The following CLIC5 variants were observed in gnomAD, a reference collection of about 807,000 sequenced individuals.
The protein encoded by CLIC5 is CLIC family member 5.
CLIC5 carries 20 observed loss-of-function variants against 24.7 expected under a neutral mutation model. The ratio of observed to expected loss-of-function variants is 0.81; its 90% CI spans 0.57 to 1.18. The LOEUF (loss-of-function observed/expected upper bound fraction) is 1.18, where lower values mean the gene tolerates loss of function less well. CLIC5 is among the 50% of genes most tolerant of loss of function. The pLI, the probability that CLIC5 is intolerant of heterozygous loss-of-function variation, is 0.00. For synonymous variants in CLIC5, 159 were observed against 135.6 expected (o/e 1.17, Z -1.20); for missense variants, 341 against 326.1 (o/e 1.05, Z -0.35).
chr6:46,005,017 G>A lies in CLIC5; in HGVS notation c.63+10463C>T, dbSNP rs534083191. ...GAGACGGCCCCTCGTCTTCATCCTTGGTGTTGACGGGGCCCATGCACACTG... is the reference window on the plus strand; with the variant it reads ...GAGACGGCCCCTCGTCTTCATCCTTAGTGTTGACGGGGCCCATGCACACTG... On this transcript the variant is annotated intron_variant, in intron 1 of 5. Coordinates refer to ENST00000339561, the MANE Select transcript of CLIC5 (RefSeq NM_016929.5). 2.6e-5 allele frequency among the ~76,000 whole-genome samples: 4 copies of A among 152,296 alleles called. No individual in the cohort carries two copies. The South Asian group carries it at 8.3e-4, about 32-fold the overall frequency.
At chr6:45,892,386 C>T (rs78719577) in intron 6 of CLIC5, among the ~76,000 whole-genome samples, 2 of 152,178 alleles carry the variant, frequency 1.3e-5, no homozygotes, top group Non-Finnish European at 1.5e-5. Flanking sequence ...TGGTTTTGCA[C>T]CGGGAGAGGT....
At chr6:45,947,450 A>AAAGGAAGACATAAAACTGTCACAT (rs1764325407) in intron 3 of CLIC5, among the ~76,000 whole-genome samples, 1 of 151,742 alleles carries the variant, frequency 6.6e-6, no homozygotes, top group African/African-American at 2.4e-5. Flanking sequence ...CATCACTAGC[A>AAAGGAAGACATAAAACTGTCACAT]GACTAGGATT....
chr6:45,927,835 C>G (rs889050257), intron 4 of CLIC5, among the ~76,000 whole-genome samples: 2 of 151,782 alleles, frequency 1.3e-5, no homozygotes, highest in African/African-American at 4.8e-5. Flanking sequence ...TAATAAACTT[C>G]TGCTTGTTTT....
chr6:46,090,856 GGT>G, the CLIC5 span, among the ~76,000 whole-genome samples: 1 of 152,290 alleles, frequency 6.6e-6, no homozygotes, highest in Middle Eastern at 3.4e-3. Flanking sequence ...AACCTAATGT[GGT>G]GTGTAAACAG....
intron 1 of CLIC5, among the ~76,000 whole-genome samples, chr6:45,993,569 A>T (rs1766018212): frequency 6.9e-6 from 1 of 145,756 alleles, no homozygotes; most frequent in Non-Finnish European, 1.5e-5. Flanking sequence ...CAACCACAGG[A>T]CATGGGAGAG....
At chr6:46,069,095 G>A (rs1305461522) in intron 1 of CLIC5, among the ~76,000 whole-genome samples, 3 of 152,112 alleles carry the variant, frequency 2.0e-5, no homozygotes, top group Non-Finnish European at 4.4e-5. Flanking sequence ...AGGGCAACTG[G>A]AGCAAAGGCC....
intron 4 of CLIC5, among the ~76,000 whole-genome samples, chr6:45,930,298 G>A (rs1346124024): frequency 1.3e-5 from 2 of 152,162 alleles, no homozygotes; most frequent in East Asian, 1.9e-4. Flanking sequence ...AAGGAAGTTC[G>A]TAAATGTAAA....
At chr6:46,093,175 G>C in the CLIC5 span, among the ~76,000 whole-genome samples, 1 of 152,066 alleles carries the variant, frequency 6.6e-6, no homozygotes, top group Non-Finnish European at 1.5e-5. Context: ...TTTCATGTCT[G>C]TTGGGTCAGG....
intron 1 of CLIC5, among the ~76,000 whole-genome samples, chr6:45,974,290 T>C (rs991367572): frequency 5.3e-5 from 8 of 151,564 alleles, no homozygotes; most frequent in Non-Finnish European, 1.0e-4. Flanking sequence ...TCAGTCAGAG[T>C]GACAGCAAGA....
chr6:45,966,548 C>T (rs889046323), intron 1 of CLIC5, among the ~76,000 whole-genome samples: 2 of 152,194 alleles, frequency 1.3e-5, no homozygotes, highest in African/African-American at 4.8e-5. Context: ...AGCTCCCTGA[C>T]CTCACTGTAG....
intron 4 of CLIC5, among the ~76,000 whole-genome samples, chr6:45,918,276 T>C (rs546685868): frequency 6.6e-6 from 1 of 152,358 alleles, no homozygotes; most frequent in South Asian, 2.1e-4. Context: ...AGACCCAATA[T>C]TGTTTTCTCG....
At chr6:46,019,026 A>G (rs1302569741), upstream of CLIC5, among the ~76,000 whole-genome samples, 2 of 152,000 alleles carry the variant, frequency 1.3e-5, no homozygotes, top group Admixed American at 6.6e-5. Context: ...AAAACTAGGT[A>G]TGTGTATTGT....
At chr6:46,013,625 G>A (rs866834905) in intron 1 of CLIC5, among the ~76,000 whole-genome samples, 1 of 152,310 alleles carries the variant, frequency 6.6e-6, no homozygotes, top group Middle Eastern at 3.4e-3. Flanking sequence ...TTTGGGGAAC[G>A]CTGCAAATTG....
chr6:45,905,750 T>G (rs1051795037), intron 5 of CLIC5, among the ~76,000 whole-genome samples: 4 of 152,134 alleles, frequency 2.6e-5, no homozygotes, highest in Admixed American at 6.5e-5. Context: ...TTGTCAATTT[T>G]TATTTTTGTT....
intron 1 of CLIC5, among the ~76,000 whole-genome samples, chr6:45,966,200 G>A (rs1459191615): frequency 6.6e-6 from 1 of 152,096 alleles, no homozygotes; most frequent in Non-Finnish European, 1.5e-5. Flanking sequence ...TGAGTCCTGA[G>A]GTTTATTAAT....
At chr6:45,961,772 G>T (rs1764850550) in intron 1 of CLIC5, among the ~76,000 whole-genome samples, 1 of 152,066 alleles carries the variant, frequency 6.6e-6, no homozygotes, top group Admixed American at 6.6e-5. Flanking sequence ...TACCCTTGAA[G>T]AAATCAACAT....
intron 6 of CLIC5, among the ~76,000 whole-genome samples, chr6:45,887,292 C>G (rs908175170): frequency 2.0e-5 from 3 of 152,182 alleles, no homozygotes; most frequent in Non-Finnish European, 2.9e-5. Context: ...TGGGGTTACA[C>G]TTTTCTAGTG....
the CLIC5 span, among the ~76,000 whole-genome samples, chr6:46,095,157 C>T: frequency 2.6e-5 from 4 of 151,376 alleles, no homozygotes; most frequent in Non-Finnish European, 4.4e-5. Flanking sequence ...GGGCCCTGGG[C>T]CTGGCCCAGG....
chr6:46,048,203 A>G (rs1037179517), intron 1 of CLIC5, among the ~76,000 whole-genome samples: 1 of 152,104 alleles, frequency 6.6e-6, no homozygotes, highest in Non-Finnish European at 1.5e-5. Context: ...GGGTTTTGCC[A>G]TATTGGCCAA....
Sources: gnomAD v4.1 joint callset for allele counts (sites outside exome capture counted in the v4.1 genomes callset) on GRCh38, gnomAD v4.1.1 for gene constraint, MANE v1.5 for transcripts, NCBI Gene and HGNC (gene_info 2026-07-23, HGNC 2026-07-21) for gene names.